MCM9: variants seen among roughly 807,000 people sequenced by gnomAD.
The protein encoded by MCM9 is DNA helicase MCM9.
A neutral mutation model predicts 72.8 loss-of-function variants in MCM9; 55 were observed. The observed-to-expected ratio is 0.76, with a 90% confidence interval of 0.61 to 0.95. The LOEUF is 0.95. Among genes scored for constraint, MCM9 ranks in the 40% least tolerant of loss-of-function variants. The pLI is 0.00. For missense variants in MCM9, 1,279 were observed against 1,377.0 expected (o/e 0.93, Z 1.13); for synonymous variants, 480 against 503.4 (o/e 0.95, Z 0.62).
rs1213282559 is a variant in MCM9, at chr6:118,828,068, T to A, written c.1591A>T (p.Ile531Leu). Residue 531 changes from isoleucine to leucine, a missense_variant, in exon 11 of 14, where the codon ATA becomes TTA. Transcript: ENST00000619706. ...GACAGTGTGGGCTGCAGATTCCTTA[T>A]GAGGCAGAAATAGGTTTTCATCTTT... is the stretch of plus-strand genomic sequence containing the variant. ...MEKMKTYFCL[I>L]RNLQPTLSDV... 2 of 1,550,714 alleles carry A rather than the reference T, an allele frequency of 1.3e-6. No individual in the cohort carries two copies. Among genetic ancestry groups the A allele is most frequent in the Non-Finnish European group, 1.7e-6 (2 of 1,147,032 alleles).
At chr6:118,883,741 T>C (rs190383220) in intron 8 of MCM9, among the ~76,000 whole-genome samples, 1 of 151,766 alleles carries the variant, frequency 6.6e-6, no homozygotes, top group Non-Finnish European at 1.5e-5. Flanking sequence ...AGCAAAACTA[T>C]CTTTCAAAAA....
At chr6:118,871,156 A>C (rs1777573173) in intron 8 of MCM9, among the ~76,000 whole-genome samples, 1 of 152,206 alleles carries the variant, frequency 6.6e-6, no homozygotes, top group African/African-American at 2.4e-5. Context: ...AAAAATTTAC[A>C]GGCCAATATC....
At chr6:118,894,545 C>G (rs1300720996) in intron 8 of MCM9, 1 of 1,523,110 alleles carries the variant, frequency 6.6e-7, no homozygotes, top group Non-Finnish European at 8.8e-7. Context: ...CCCGTGCGCC[C>G]GGGCTGTCAG....
chr6:118,847,811 A>ATTT, intron 9 of MCM9, among the ~76,000 whole-genome samples: 2 of 151,936 alleles, frequency 1.3e-5, no homozygotes, highest in South Asian at 4.1e-4. Flanking sequence ...TAAAGGAAAA[A>ATTT]ACCCTCTGGG....
intron 13 of MCM9, among the ~76,000 whole-genome samples, chr6:118,822,806 C>A (rs935231341): frequency 8.5e-5 from 13 of 152,196 alleles, no homozygotes; most frequent in East Asian, 3.8e-4. Flanking sequence ...TTCAGAGATG[C>A]CCTGCCCAGT....
rs544222916 is a variant in MCM9 at position 118,847,952 on chromosome 6, GCTAT to G, written c.1325+8415_1325+8418del. On this transcript the variant is annotated intron_variant, in intron 9 of 13. Coordinates refer to ENST00000619706, the MANE Select transcript of MCM9 (RefSeq NM_017696.3). ...AGCCAAGGTCTTTATATCCAGCCAAGCTATCTTTCATTTTTCAAGTGTCAATGCT... is the reference window on the plus strand; with the variant it reads ...AGCCAAGGTCTTTATATCCAGCCAAGCTTTCATTTTTCAAGTGTCAATGCT... Among the ~76,000 whole-genome samples the G allele has an allele frequency of 4.3e-4, 66 of 151,954 alleles. 1 individual carries two copies. The highest frequency in any genetic ancestry group is 1.6e-3 in the African/African-American group (64 of 41,252).
At chr6:118,875,313 G>T (rs1777864958) in intron 8 of MCM9, among the ~76,000 whole-genome samples, 1 of 152,138 alleles carries the variant, frequency 6.6e-6, no homozygotes, top group African/African-American at 2.4e-5. Context: ...TTCTTAACTT[G>T]TTCTACAGAT....
At chr6:118,931,862 T>C in intron 2 of MCM9, 124 bp from the exon 3 acceptor site, 1 of 698,638 alleles carries the variant, frequency 1.4e-6, no homozygotes. Flanking sequence ...AAATAATATC[T>C]GAATTCAAAT....
chr6:118,899,036 C>T (rs1779624899), intron 8 of MCM9, among the ~76,000 whole-genome samples: 1 of 152,290 alleles, frequency 6.6e-6, no homozygotes, highest in South Asian at 2.1e-4. Flanking sequence ...CACATCACCT[C>T]CCTGCAAAAG....
chr6:118,869,599 CAA>C lies in MCM9; in HGVS notation c.1151-13056_1151-13055del. Among the ~76,000 whole-genome samples the C allele has an allele frequency of 7.3e-3, 428 of 58,306 alleles. 3 individuals carry two copies. Among genetic ancestry groups the C allele is most frequent in the Middle Eastern group, 0.062 (3 of 48 alleles). 38.3% of individuals were successfully genotyped at this position (58,306 alleles called of 152,430 possible). ...AGAGGAAAAAGAAACAAAGGATTTA[CAA>C]AAAAAAAAAAAAAAAAAAGAAGCCA... On this transcript the variant is annotated intron_variant, in intron 8 of 13. Transcript: ENST00000619706.
At chr6:118,881,502 A>G (rs1036288136) in intron 8 of MCM9, among the ~76,000 whole-genome samples, 1 of 152,078 alleles carries the variant, frequency 6.6e-6, no homozygotes, top group Admixed American at 6.5e-5. Flanking sequence ...CATTTTCTCT[A>G]TGAGGACATG....
chr6:118,901,165 T>G (rs902767617), intron 8 of MCM9: 1 of 229,250 alleles, frequency 4.4e-6, no homozygotes, highest in Non-Finnish European at 8.5e-6. Context: ...GGTGGTGAAT[T>G]TGGGGCTCTT....
intron 8 of MCM9, chr6:118,894,563 C>T: frequency 1.3e-6 from 2 of 1,481,718 alleles, no homozygotes; most frequent in East Asian, 2.5e-5. Context: ...CAGTTGCGGG[C>T]TGCAGACGTT....
chr6:118,889,993 A>G (rs1487974894), intron 8 of MCM9, among the ~76,000 whole-genome samples: 6 of 152,362 alleles, frequency 3.9e-5, no homozygotes, highest in East Asian at 3.9e-4. Context: ...TATAAAAAGT[A>G]TAAGGATGCA....
Position 118,859,852 on chromosome 6 carries a change from T to C in MCM9, c.1151-3307A>G, listed in dbSNP as rs903050209. On this transcript the variant is annotated intron_variant, in intron 8 of 13. Coordinates refer to ENST00000619706, the MANE Select transcript of MCM9 (RefSeq NM_017696.3). The stretch of plus-strand genomic sequence containing the variant: ...TTATCTACCTGGAAGAAGGGCAATA[T>C]CCACCTCCAACCCCTTCCAGTCATC... 3.9e-5 allele frequency among the ~76,000 whole-genome samples: 6 copies of C among 152,258 alleles called. No individual in the cohort carries two copies. The East Asian group carries it at 7.7e-4, about 20-fold the overall frequency.
Position 118,829,121 on chromosome 6 carries a change from C to G in MCM9, c.1455G>C (p.Leu485=), listed in dbSNP as rs776359449. 3.9e-6 allele frequency: 6 copies of G among 1,550,596 alleles called. No homozygotes were observed. The highest frequency in any genetic ancestry group is 5.2e-6 in the Non-Finnish European group (6 of 1,147,002). Residue 485 remains leucine (L), a synonymous_variant, in exon 10 of 14, where the codon CTG becomes CTC. Transcript: ENST00000619706. Reference sequence around the variant, plus strand: ...TCTTGGTATCAAGCAAAACCAGGATCAGGTCAAATCGACTTAAGAGTGGGC... The same window carrying G: ...TCTTGGTATCAAGCAAAACCAGGATGAGGTCAAATCGACTTAAGAGTGGGC... The part of the protein sequence containing the change: ...LGSPLLSRFD[L]ILVLLDTKNE...
chr6:118,931,315 A>G, intron 3 of MCM9, 105 bp downstream of exon 3: 2 of 932,294 alleles, frequency 2.1e-6, no homozygotes, highest in Admixed American at 5.7e-5. Flanking sequence ...ACAGATATAT[A>G]TTTTAAGTAT....
intron 9 of MCM9, among the ~76,000 whole-genome samples, chr6:118,840,739 C>T (rs533449765): frequency 5.3e-4 from 56 of 105,574 alleles, no homozygotes; most frequent in Admixed American, 1.8e-3. Flanking sequence ...TCCTCCCCCC[C>T]CCCTTTTTTT....
Position 118,815,810 on chromosome 6 carries a change from C to T in MCM9, c.2446G>A (p.Glu816Lys). Residue 816 changes from glutamate to lysine, a missense_variant, in exon 14 of 14, where the codon GAA (glutamate) becomes AAA (lysine). By Grantham distance (56) the Glu-to-Lys change is moderately conservative (BLOSUM62 1). Coordinates refer to ENST00000619706, the MANE Select transcript of MCM9 (RefSeq NM_017696.3). ...TGVPWRADNV[E>K]SNKKKRLALD... The stretch of plus-strand genomic sequence containing the variant: ...GCTAGCCTTTTTTTCTTGTTACTTT[C>T]CACATTGTCTGCCCTCCATGGAACA... 5 of 1,539,116 alleles carry T rather than the reference C, an allele frequency of 3.2e-6. No individual in the cohort carries two copies. Among genetic ancestry groups the T allele is most frequent in the Non-Finnish European group, 4.4e-6 (5 of 1,147,026 alleles).
Sources: allele counts gnomAD v4.1 joint callset (sites outside exome capture counted in the v4.1 genomes callset), GRCh38; gene constraint gnomAD v4.1.1; transcripts MANE v1.5; gene names NCBI Gene and HGNC (gene_info 2026-07-23, HGNC 2026-07-21).